RNF4: variants seen among roughly 807,000 people sequenced by gnomAD.
The protein encoded by RNF4 is ring finger protein 4, also known as E3 ubiquitin-protein ligase RNF4.
RNF4 carries 7 observed loss-of-function variants against 24.3 expected under a neutral mutation model. That is an observed-to-expected ratio of 0.29 (90% confidence interval 0.16 to 0.54). The LOEUF (loss-of-function observed/expected upper bound fraction) is 0.54, where lower values mean the gene tolerates loss of function less well. Ranked by LOEUF, RNF4 falls within the 20% of genes least tolerant of loss-of-function variation. RNF4 has a pLI of 0.95. For synonymous variants in RNF4, 83 were observed against 84.3 expected, an observed-to-expected ratio of 0.98 and a Z score of 0.09; for missense variants, 209 against 248.5, an observed-to-expected ratio of 0.84 and a Z score of 1.07.
chr4:2,509,009 C>G lies in RNF4; in HGVS notation c.205-2947C>G, dbSNP rs111814089. On this transcript the variant is annotated intron_variant, in intron 4 of 7. Transcript: ENST00000314289. ...TCTCAGCTCACTGCAGCCTCCACCT[C>G]CCGGGCTCAAGTGATTCTCCTGCCT... is the stretch of plus-strand genomic sequence containing the variant. Among the ~76,000 whole-genome samples, 1,244 of 150,928 alleles carry G rather than the reference C, an allele frequency of 8.2e-3. 22 individuals are homozygous for G. The highest frequency in any genetic ancestry group is 0.028 in the African/African-American group (1,145 of 40,974).
At position 2,512,723 on chromosome 4, in the gene RNF4, C is replaced by T; in HGVS notation, c.374+126C>T. The stretch of plus-strand genomic sequence containing the variant: ...GCTTGCCCAAGCCTCTACCCAGCAT[C>T]TGGATACAGTTGGAACTGGGTCCAG... On this transcript the variant is annotated intron_variant, in intron 6 of 7. Transcript: ENST00000314289. The surrounding 1 kb of genome is among the most constrained non-coding windows in gnomAD (Gnocchi z 4.1). The T allele has an allele frequency of 2.7e-6, 3 of 1,120,636 alleles. No individual in the cohort carries two copies. The highest frequency in any genetic ancestry group is 3.8e-6 in the Non-Finnish European group (3 of 799,390). The allele number at this position is 1,120,636 out of a possible 1,614,324, so 69.4% of individuals were successfully genotyped here. A position where few individuals can be genotyped will look rare whatever the true frequency, so the allele number is the denominator to read the frequency against.
chr4:2,506,004 G>A (rs747753163), intron 4 of RNF4: 7 of 151,988 alleles, frequency 4.6e-5, no homozygotes, highest in South Asian at 2.1e-4. Flanking sequence ...TAAGACCCAC[G>A]CATGGAAGCT....
chr4:2,496,388 G>A (rs1349251078), intron 2 of RNF4, among the ~76,000 whole-genome samples: 2 of 152,156 alleles, frequency 1.3e-5, no homozygotes, highest in African/African-American at 4.8e-5. Context: ...TTTTGGCCAG[G>A]GCATCCACTA....
chr4:2,469,347 G>C (rs914235758), intron 1 of RNF4, 89 bp downstream of exon 1: 2 of 152,166 alleles, frequency 1.3e-5, no homozygotes, highest in African/African-American at 4.8e-5. Flanking sequence ...GCCGCGCTGC[G>C]CGGCTTGACC....
chr4:2,499,992 T>C (rs1267601483), intron 3 of RNF4, among the ~76,000 whole-genome samples: 2 of 151,918 alleles, frequency 1.3e-5, no homozygotes, highest in Admixed American at 6.6e-5. Context: ...CCATCTCTAC[T>C]AAAAATACAA....
In RNF4 at chr4:2,490,367, C is replaced by G; in HGVS notation, c.-127C>G. 1 of 832,318 alleles carries G rather than the reference C, an allele frequency of 1.2e-6. No individual in the cohort carries two copies. The highest frequency in any genetic ancestry group is 1.9e-6 in the Non-Finnish European group (1 of 526,708). The allele number at this position is 832,318 out of a possible 1,614,324, so 51.6% of individuals were successfully genotyped here. A position where few individuals can be genotyped will look rare whatever the true frequency, so the allele number is the denominator to read the frequency against. ...GAAAATACTGGAAATCTGTCCGGAT[C>G]CAAATTATTTTGCAAGCCAGATGAG... On this transcript the variant is annotated 5_prime_UTR_variant, in exon 2 of 8. It adds an upstream start codon to the 5' untranslated region. Coordinates refer to ENST00000314289, the MANE Select transcript of RNF4 (RefSeq NM_002938.5).
intron 1 of RNF4, among the ~76,000 whole-genome samples, chr4:2,488,447 C>T (rs752362409): frequency 5.9e-5 from 9 of 151,958 alleles, no homozygotes; most frequent in African/African-American, 1.5e-4. Context: ...AGTGAGACTC[C>T]GTCTCAAAAA....
chr4:2,476,518 A>G (rs1449390381), intron 1 of RNF4, among the ~76,000 whole-genome samples: 1 of 151,788 alleles, frequency 6.6e-6, no homozygotes, highest in Non-Finnish European at 1.5e-5. Flanking sequence ...TCAGCCTCCT[A>G]AGGACCTGGG....
rs1736295985 is a variant in RNF4, at chr4:2,512,471, T to C, written c.248T>C (p.Leu83Pro). The C allele has an allele frequency of 1.2e-6, 2 of 1,613,314 alleles. No homozygotes were observed. Among genetic ancestry groups the C allele is most frequent in the African/African-American group, 2.7e-5 (2 of 74,898 alleles). Residue 83 changes from leucine to proline, a missense_variant, in exon 6 of 8, where the codon CTG becomes CCG. Around this residue, in one of 3 missense-constraint regions of RNF4, gnomAD observed 182 missense variants for 197.2 expected, o/e 0.92. Transcript: ENST00000314289. The surrounding 1 kb of genome is among the most constrained non-coding windows in gnomAD (Gnocchi z 4.1). ...RRRPRRNARR[L>P]PQDHADSCVV... ...AGACCAAGGAGGAATGCTAGGAGGC[T>C]GCCCCAGGACCATGCTGACAGCTGT...
intron 1 of RNF4, chr4:2,469,708 C>A (rs1459401715): frequency 2.0e-5 from 3 of 152,294 alleles, no homozygotes; most frequent in Non-Finnish European, 2.9e-5. Context: ...TGCCGGGGTG[C>A]GTGGGCCGCG....
At chr4:2,489,081 G>C (rs1245798073) in intron 1 of RNF4, among the ~76,000 whole-genome samples, 2 of 152,170 alleles carry the variant, frequency 1.3e-5, no homozygotes, top group Non-Finnish European at 2.9e-5. Flanking sequence ...CCAGAGTGCT[G>C]GGATTACAGG....
At chr4:2,481,461 G>A (rs1735241654) in intron 1 of RNF4, among the ~76,000 whole-genome samples, 1 of 152,088 alleles carries the variant, frequency 6.6e-6, no homozygotes, top group Admixed American at 6.6e-5. Flanking sequence ...AGGGGAGGTT[G>A]GTATGATATA....
At chr4:2,498,951 C>CT (rs1735824153) in intron 3 of RNF4, among the ~76,000 whole-genome samples, 1 of 152,022 alleles carries the variant, frequency 6.6e-6, no homozygotes, top group Non-Finnish European at 1.5e-5. Flanking sequence ...AATCCCAGCA[C>CT]TTTGGGAGGC....
intron 1 of RNF4, among the ~76,000 whole-genome samples, chr4:2,472,969 A>G (rs1213879807): frequency 1.3e-5 from 2 of 151,902 alleles, no homozygotes; most frequent in Non-Finnish European, 2.9e-5. Context: ...GAACCCGGGA[A>G]GAGGAGCTTG....
At chr4:2,503,581 C>T (rs964505949) in intron 4 of RNF4, among the ~76,000 whole-genome samples, 1 of 152,164 alleles carries the variant, frequency 6.6e-6, no homozygotes, top group Non-Finnish European at 1.5e-5. Context: ...TCATTCTCTA[C>T]TTATTTTTGA....
At chr4:2,483,453 C>T (rs1735301749) in intron 1 of RNF4, among the ~76,000 whole-genome samples, 1 of 152,220 alleles carries the variant, frequency 6.6e-6, no homozygotes, top group African/African-American at 2.4e-5. Flanking sequence ...GCTCATATTT[C>T]TTCTGAGTAT....
At chr4:2,505,476 C>A (rs901973071) in intron 4 of RNF4, 1 of 151,756 alleles carries the variant, frequency 6.6e-6, no homozygotes, top group Non-Finnish European at 1.5e-5. Context: ...CAGGTGCCCG[C>A]CACCACACCC....
chr4:2,482,109 G>A (rs553881746), intron 1 of RNF4, among the ~76,000 whole-genome samples: 1 of 152,196 alleles, frequency 6.6e-6, no homozygotes, highest in Non-Finnish European at 1.5e-5. Flanking sequence ...CTGACTAAGA[G>A]TAGAAGAACA....
intron 4 of RNF4, among the ~76,000 whole-genome samples, chr4:2,508,882 GATTACAGGCATGATC>G (rs1736183935): frequency 1.4e-5 from 2 of 139,210 alleles, no homozygotes; most frequent in African/African-American, 5.3e-5. Flanking sequence ...AGAGTGCTGG[GATTACAGGCATGATC>G]CACTGCCCCA....
Sources: allele counts gnomAD v4.1 joint callset (sites outside exome capture counted in the v4.1 genomes callset), GRCh38; gene constraint gnomAD v4.1.1; regional missense constraint gnomAD v4.1.1; non-coding constraint Gnocchi (gnomAD v3.1); transcripts MANE v1.5; gene names NCBI Gene and HGNC (gene_info 2026-07-23, HGNC 2026-07-21).